The following USP31 variants were observed in gnomAD, a reference collection of about 807,000 sequenced individuals.
USP31 encodes ubiquitin specific peptidase 31, also known as ubiquitin carboxyl-terminal hydrolase 31.
A neutral mutation model predicts 119.4 loss-of-function variants in USP31; 44 were observed. That is an observed-to-expected ratio of 0.37 (90% CI 0.29 to 0.47). The LOEUF (loss-of-function observed/expected upper bound fraction) is 0.47, where lower values mean the gene tolerates loss of function less well. USP31 is among the 20% of genes least tolerant of loss of function. The pLI, the probability that USP31 is intolerant of heterozygous loss-of-function variation, is 0.99. For synonymous variants in USP31, 749 were observed against 705.6 expected (o/e 1.06, Z -0.97); for missense variants, 1,643 against 1,730.2 (o/e 0.95, Z 0.89).
intron 1 of USP31, among the ~76,000 whole-genome samples, chr16:23,122,933 T>C (rs1460120209): frequency 6.6e-6 from 1 of 152,232 alleles, no homozygotes; most frequent in Non-Finnish European, 1.5e-5. Flanking sequence ...AATTAAATCG[T>C]AGGTTAACTG....
intron 1 of USP31, among the ~76,000 whole-genome samples, chr16:23,138,678 C>T (rs1355031206): frequency 1.3e-5 from 2 of 152,134 alleles, no homozygotes; most frequent in South Asian, 4.2e-4. Context: ...CACCCTAGAC[C>T]TTGAAATTTT....
chr16:23,082,571 C>G lies in USP31; in HGVS notation c.1831-14G>C. ...ATCGGGGGCAAGCTGAAAACAGAAGCATGACTCCCGTTAAGTGCCACTTAA... is the reference window on the plus strand; with the variant it reads ...ATCGGGGGCAAGCTGAAAACAGAAGGATGACTCCCGTTAAGTGCCACTTAA... On this transcript the variant is annotated splice_polypyrimidine_tract_variant and intron_variant, in intron 11 of 15. Coordinates refer to ENST00000219689, the MANE Select transcript of USP31 (RefSeq NM_020718.4). The G allele has an allele frequency of 3.1e-6, 5 of 1,613,800 alleles. No individual in the cohort carries two copies. The highest frequency in any genetic ancestry group is 4.2e-6 in the Non-Finnish European group (5 of 1,179,996).
intron 7 of USP31, among the ~76,000 whole-genome samples, chr16:23,090,083 A>T (rs1407763441): frequency 1.3e-5 from 2 of 152,102 alleles, no homozygotes; most frequent in African/African-American, 4.8e-5. Flanking sequence ...ATGAAATGGG[A>T]CTTTTAAAAC....
At chr16:23,137,383 A>G (rs1903225069) in intron 1 of USP31, among the ~76,000 whole-genome samples, 1 of 152,206 alleles carries the variant, frequency 6.6e-6, no homozygotes, top group Non-Finnish European at 1.5e-5. Context: ...ATAGTTTGAC[A>G]GTCCCTCAAA....
At chr16:23,090,374 A>G (rs1901301325) in intron 7 of USP31, among the ~76,000 whole-genome samples, 1 of 152,134 alleles carries the variant, frequency 6.6e-6, no homozygotes, top group East Asian at 1.9e-4. Context: ...CAACACAGCG[A>G]GACTCCATAT....
rs1027117216 is a variant in USP31, at chr16:23,064,428, G to A, written c.*3618C>T. On this transcript the variant is annotated 3_prime_UTR_variant, in exon 16 of 16. Coordinates refer to ENST00000219689, the MANE Select transcript of USP31 (RefSeq NM_020718.4). The stretch of plus-strand genomic sequence containing the variant: ...ATTTTTTTCATGATAGTTATTTTAA[G>A]GGAATGACAATGTTCCCCTCAAATC... The A allele has an allele frequency of 9.9e-5, 15 of 152,204 alleles. No individual in the cohort carries two copies. The highest frequency in any genetic ancestry group is 1.5e-4 in the Non-Finnish European group (10 of 68,010). The allele number at this position is 152,204 out of a possible 1,614,324, so 9.4% of individuals were successfully genotyped here.
Position 23,064,480 on chromosome 16 carries a change from A to G in USP31, c.*3566T>C, listed in dbSNP as rs571277388. 75 of 152,296 alleles carry G rather than the reference A, an allele frequency of 4.9e-4. No homozygotes were observed. The highest frequency in any genetic ancestry group is 1.4e-3 in the African/African-American group (57 of 41,552). The allele number at this position is 152,296 out of a possible 1,614,324, so 9.4% of individuals were successfully genotyped here. ...CACATCCGTCTCATACAAACATAAG[A>G]TGACCCAATGTTAACGTAAAGTGAC... is the stretch of plus-strand genomic sequence containing the variant. On this transcript the variant is annotated 3_prime_UTR_variant, in exon 16 of 16. Transcript: ENST00000219689.
At chr16:23,111,123 G>C (rs925056516) in intron 1 of USP31, among the ~76,000 whole-genome samples, 1 of 151,870 alleles carries the variant, frequency 6.6e-6, no homozygotes, top group African/African-American at 2.4e-5. Context: ...GCGAGACTCC[G>C]TCTCAAAAAT....
chr16:23,142,501 C>T (rs985395119), intron 1 of USP31, among the ~76,000 whole-genome samples: 19 of 152,306 alleles, frequency 1.2e-4, no homozygotes, highest in African/African-American at 4.6e-4. Flanking sequence ...CGTTTCATTG[C>T]TTGTACTGAT....
Position 23,148,939 on chromosome 16 carries a change from GGCGGCGGCGGGCACGGCGGCGGCGTGGGC to G in USP31, c.303_331del (p.Pro102ArgfsTer60). 8.9e-7 allele frequency: 1 copy of G among 1,122,060 alleles called. No individual in the cohort carries two copies. The highest frequency in any genetic ancestry group is 1.1e-6 in the Non-Finnish European group (1 of 915,762). 69.5% of individuals were successfully genotyped at this position (1,122,060 alleles called of 1,614,324 possible). A position where few individuals can be genotyped will look rare whatever the true frequency, so the allele number is the denominator to read the frequency against. ...GCAAGCGGGCGGCGCGGGAGAGGCG[GGCGGCGGCGGGCACGGCGGCGGCGTGGGC>G]GCGGCGGCCGGCCCGGGCGGGAAGC... On this transcript the variant is annotated frameshift_variant, in exon 1 of 16. Coordinates refer to ENST00000219689, the MANE Select transcript of USP31 (RefSeq NM_020718.4). LOFTEE classifies it high-confidence loss of function.
chr16:23,075,060 A>G (rs779994223), intron 13 of USP31, among the ~76,000 whole-genome samples: 84 of 152,218 alleles, frequency 5.5e-4, no homozygotes, highest in Non-Finnish European at 9.8e-4. Flanking sequence ...AAGGGATAAA[A>G]GAGACGCGGG....
chr16:23,149,164 C>A lies in USP31; in HGVS notation c.107G>T (p.Gly36Val), dbSNP rs1903640447. 2 of 1,167,370 alleles carry A rather than the reference C, an allele frequency of 1.7e-6. No homozygotes were observed. The highest frequency in any genetic ancestry group is 1.7e-5 in the African/African-American group (1 of 60,576). 72.3% of individuals were successfully genotyped at this position (1,167,370 alleles called of 1,614,324 possible). A position where few individuals can be genotyped will look rare whatever the true frequency, so the allele number is the denominator to read the frequency against. ...RLFRSGRAGG[G>V]GAGGPGASGP... ...GGACGCCCCGGGGCCCCCCGCGCCGCCGCCGCCAGCGCGGCCGCTCCGAAA... is the reference window on the plus strand; with the variant it reads ...GGACGCCCCGGGGCCCCCCGCGCCGACGCCGCCAGCGCGGCCGCTCCGAAA... Residue 36 changes from glycine (G) to valine (V), a missense_variant, in exon 1 of 16, where the codon GGC (glycine) becomes GTC (valine). Physicochemically the swap from Gly to Val is moderately radical, Grantham distance 109. Around this residue, in one of 5 missense-constraint regions of USP31, gnomAD observed 302 missense variants for 262.6 expected, o/e 1.15. Transcript: ENST00000219689.
chr16:23,102,063 A>C (rs997439071), intron 6 of USP31, among the ~76,000 whole-genome samples: 8 of 151,882 alleles, frequency 5.3e-5, no homozygotes, highest in African/African-American at 1.9e-4. Flanking sequence ...AAGAGGTCAC[A>C]GTCAGTCCTA....
At chr16:23,141,600 C>T (rs1386565356) in intron 1 of USP31, among the ~76,000 whole-genome samples, 1 of 152,110 alleles carries the variant, frequency 6.6e-6, no homozygotes, top group African/African-American at 2.4e-5. Context: ...TGGTCTTGAA[C>T]TCCTGAGCTC....
At chr16:23,108,612 G>A (rs909235896) in intron 1 of USP31, among the ~76,000 whole-genome samples, 1 of 152,052 alleles carries the variant, frequency 6.6e-6, no homozygotes, top group African/African-American at 2.4e-5. Flanking sequence ...AGTGAAAAAA[G>A]GTTATAAATA....
intron 6 of USP31, 65 bp from the exon 7 acceptor site, chr16:23,090,869 G>A (rs1413243090): frequency 1.5e-6 from 2 of 1,360,656 alleles, no homozygotes; most frequent in Non-Finnish European, 1.9e-6. Flanking sequence ...TCGTTATGAA[G>A]AAATTTACCC....
chr16:23,069,271 A>G lies in USP31; in HGVS notation c.2834T>C (p.Met945Thr), dbSNP rs763806976. The change falls in exon 16 of 16, where the codon ATG becomes ACG. Residue 945 changes from methionine (M) to threonine (T), a missense_variant. Transcript: ENST00000219689. ...KAVGRAPLAV[M>T]EGVFKDESDT... ...CGATTCGTCTTTGAACACGCCTTCCATGACAGCCAGAGGGGCCCGGCCCAC... is the reference window on the plus strand; with the variant it reads ...CGATTCGTCTTTGAACACGCCTTCCGTGACAGCCAGAGGGGCCCGGCCCAC... The G allele has an allele frequency of 3.1e-6, 5 of 1,613,356 alleles. No homozygotes were observed. Among genetic ancestry groups the G allele is most frequent in the Admixed American group, 3.3e-5 (2 of 59,986 alleles).
rs929320287 is a variant in USP31 at position 23,066,415 on chromosome 16, A to G, written c.*1631T>C. The G allele has an allele frequency of 1.3e-5, 2 of 152,596 alleles. No homozygotes were observed. The highest frequency in any genetic ancestry group is 2.4e-5 in the African/African-American group (1 of 41,448). The allele number at this position is 152,596 out of a possible 1,614,324, so 9.5% of individuals were successfully genotyped here. A position where few individuals can be genotyped will look rare whatever the true frequency, so the allele number is the denominator to read the frequency against. On this transcript the variant is annotated 3_prime_UTR_variant, in exon 16 of 16. Transcript: ENST00000219689. ...CCCAAGAGATATTCTTGGGGGGAAA[A>G]AAGAAAAAAAAAGTAGTGCAGAATT... is the stretch of plus-strand genomic sequence containing the variant.
chr16:23,141,432 G>A (rs1903349141), intron 1 of USP31, among the ~76,000 whole-genome samples: 3 of 151,614 alleles, frequency 2.0e-5, no homozygotes, highest in Admixed American at 2.0e-4. Context: ...CAGGCCAGAG[G>A]GCAGTGGCAC....
Sources: gnomAD v4.1 joint callset for allele counts (sites outside exome capture counted in the v4.1 genomes callset) on GRCh38, gnomAD v4.1.1 for gene constraint, gnomAD v4.1.1 regional missense constraint, MANE v1.5 for transcripts, NCBI Gene and HGNC (gene_info 2026-07-23, HGNC 2026-07-21) for gene names.